DLG1: variants seen among roughly 807,000 people sequenced by gnomAD.
The protein encoded by DLG1 is disks large homolog 1.
In DLG1, 42 loss-of-function variants were observed where a neutral mutation model predicts 123.4. The ratio of observed to expected loss-of-function variants is 0.34; its 90% confidence interval spans 0.27 to 0.44. DLG1 has a LOEUF of 0.44. Ranked by LOEUF, DLG1 falls within the 20% of genes least tolerant of loss-of-function variation. The pLI is 1.00. For missense variants in DLG1, 942 were observed against 1,082.6 expected, an observed-to-expected ratio of 0.87 and a Z score of 1.82; for synonymous variants, 317 against 356.2, an observed-to-expected ratio of 0.89 and a Z score of 1.24.
intron 22 of DLG1, among the ~76,000 whole-genome samples, chr3:197,062,925 T>C (rs915359055): frequency 1.1e-4 from 16 of 152,190 alleles, no homozygotes; most frequent in African/African-American, 3.9e-4. Context: ...TTTTACCCTC[T>C]CCCTTTTTCT....
At chr3:197,119,780 G>T (rs547847118) in intron 11 of DLG1, among the ~76,000 whole-genome samples, 182 of 152,178 alleles carry the variant, frequency 1.2e-3, no homozygotes, top group African/African-American at 4.2e-3. Context: ...ACCACACCCA[G>T]ATTACTTAAA....
chr3:197,296,155 G>T (rs1228203274), intron 3 of DLG1, among the ~76,000 whole-genome samples, 191 bp downstream of exon 3: 2 of 152,186 alleles, frequency 1.3e-5, no homozygotes, highest in African/African-American at 4.8e-5. Context: ...AAATAATCCT[G>T]AAAGTTTTTT....
At chr3:197,178,502 G>A (rs1414742780) in intron 5 of DLG1, among the ~76,000 whole-genome samples, 1 of 152,102 alleles carries the variant, frequency 6.6e-6, no homozygotes, top group Non-Finnish European at 1.5e-5. Flanking sequence ...TAGAAAGTTA[G>A]ATATAAAAGT....
intron 14 of DLG1, among the ~76,000 whole-genome samples, chr3:197,092,555 C>CA (rs1758335993): frequency 6.6e-6 from 1 of 152,052 alleles, no homozygotes; most frequent in African/African-American, 2.4e-5. Context: ...GGCTGGACTA[C>CA]AGTGGCACAA....
At chr3:197,079,208 A>G (rs1749314972) in intron 17 of DLG1, among the ~76,000 whole-genome samples, 1 of 152,242 alleles carries the variant, frequency 6.6e-6, no homozygotes, top group Non-Finnish European at 1.5e-5. Context: ...CAGTGTAAGA[A>G]TTGATAAAAT....
At chr3:197,070,565 A>ACATTTTTTTTTTTTTTT (rs535594183) in intron 18 of DLG1, 3 of 76,190 alleles carry the variant, frequency 3.9e-5, no homozygotes, top group Non-Finnish European at 5.3e-5. Flanking sequence ...TGGAAATTTC[A>ACATTTTTTTTTTTTTTT]TTTTTTTTTT....
chr3:197,110,552 T>C (rs1769329664), intron 13 of DLG1, among the ~76,000 whole-genome samples: 1 of 152,204 alleles, frequency 6.6e-6, no homozygotes, highest in Non-Finnish European at 1.5e-5. Context: ...ATATGGGCCA[T>C]ACTTTTCTTT....
At chr3:197,065,956 C>G in intron 20 of DLG1, 147 bp from the exon 21 acceptor site, 1 of 541,128 alleles carries the variant, frequency 1.8e-6, no homozygotes, top group South Asian at 2.8e-5. Context: ...ACCAAAGATG[C>G]GTAACTTGCT....
intron 14 of DLG1, among the ~76,000 whole-genome samples, chr3:197,100,974 C>T (rs1763123943): frequency 1.3e-5 from 2 of 152,150 alleles, no homozygotes; most frequent in African/African-American, 4.8e-5. Flanking sequence ...AAAGCTGTTT[C>T]TCCCTCCTTC....
At chr3:197,186,392 C>A (rs1273860777) in intron 5 of DLG1, among the ~76,000 whole-genome samples, 1 of 152,134 alleles carries the variant, frequency 6.6e-6, no homozygotes, top group African/African-American at 2.4e-5. Flanking sequence ...GGTATGCAAT[C>A]TAAACCACCA....
chr3:197,050,115 C>T (rs1726304368), intron 24 of DLG1, among the ~76,000 whole-genome samples: 1 of 152,014 alleles, frequency 6.6e-6, no homozygotes, highest in Admixed American at 6.6e-5. Context: ...CGCCTGTAAT[C>T]CCAGCAATTT....
chr3:197,051,793 AT>A (rs1429385745), intron 23 of DLG1, 125 bp from the exon 24 acceptor site: 2 of 653,836 alleles, frequency 3.1e-6, no homozygotes, highest in African/African-American at 1.9e-5. Flanking sequence ...GAAAATATGA[AT>A]GTCATTAAAA....
intron 23 of DLG1, among the ~76,000 whole-genome samples, chr3:197,055,399 TC>T (rs1484840518): frequency 6.6e-6 from 1 of 152,242 alleles, no homozygotes; most frequent in Admixed American, 6.5e-5. Context: ...TTTTCCTGTT[TC>T]TTCGTATGTC....
intron 4 of DLG1, among the ~76,000 whole-genome samples, chr3:197,219,406 T>C (rs1364184078): frequency 6.6e-6 from 1 of 152,226 alleles, no homozygotes; most frequent in Non-Finnish European, 1.5e-5. Flanking sequence ...TCAAACCTAA[T>C]TTACGAATGC....
chr3:197,194,267 C>T (rs1294292976), intron 5 of DLG1, 158 bp downstream of exon 5: 2 of 396,348 alleles, frequency 5.0e-6, no homozygotes, highest in African/African-American at 4.3e-5. Context: ...TTCTGGAGTA[C>T]TAATAAGCAC....
intron 10 of DLG1, among the ~76,000 whole-genome samples, chr3:197,131,820 C>G (rs1314420125): frequency 4.0e-5 from 6 of 151,658 alleles, no homozygotes; most frequent in Non-Finnish European, 8.8e-5. Flanking sequence ...GTCTCGATCT[C>G]CTGACCTCGT....
At chr3:197,189,397 T>C (rs1717965681) in intron 5 of DLG1, among the ~76,000 whole-genome samples, 1 of 152,106 alleles carries the variant, frequency 6.6e-6, no homozygotes, top group Admixed American at 6.6e-5. Flanking sequence ...GTTTAACAAG[T>C]TTACAATAGG....
intron 3 of DLG1, among the ~76,000 whole-genome samples, chr3:197,291,853 G>C (rs147484878): frequency 6.6e-6 from 1 of 152,232 alleles, no homozygotes; most frequent in East Asian, 1.9e-4. Context: ...ATTTGTATTA[G>C]CACATAGAAA....
At chr3:197,173,890 G>A (rs1242218099) in intron 5 of DLG1, among the ~76,000 whole-genome samples, 1 of 152,138 alleles carries the variant, frequency 6.6e-6, no homozygotes, top group Admixed American at 6.6e-5. Context: ...GATCACATGA[G>A]GGCAGTAGTT....
Sources: gnomAD v4.1 joint callset for allele counts (sites outside exome capture counted in the v4.1 genomes callset) on GRCh38, gnomAD v4.1.1 for gene constraint, MANE v1.5 for transcripts, NCBI Gene and HGNC (gene_info 2026-07-23, HGNC 2026-07-21) for gene names.